The following RNF32 variants were observed in gnomAD, a reference collection of about 807,000 sequenced individuals.
RNF32 encodes the protein ring finger protein 32.
RNF32 carries 36 observed loss-of-function variants against 41.0 expected under a neutral mutation model. The ratio of observed to expected loss-of-function variants is 0.88; its 90% CI spans 0.67 to 1.16. The LOEUF (loss-of-function observed/expected upper bound fraction) is 1.16. Ranked by LOEUF, RNF32 falls within the 50% of genes most tolerant of loss-of-function variation. RNF32 has a pLI of 0.00. For synonymous variants in RNF32, 154 were observed against 160.9 expected (o/e 0.96, Z 0.32); for missense variants, 413 against 436.7 (o/e 0.95, Z 0.48).
intron 7 of RNF32, among the ~76,000 whole-genome samples, chr7:156,674,238 C>T (rs1803287775): frequency 6.6e-6 from 1 of 152,202 alleles, no homozygotes; most frequent in Non-Finnish European, 1.5e-5. Flanking sequence ...GAACTGTCTC[C>T]CTCTGCCCTT....
intron 4 of RNF32, among the ~76,000 whole-genome samples, chr7:156,655,831 T>A (rs1175518053): frequency 6.6e-6 from 1 of 152,194 alleles, no homozygotes; most frequent in African/African-American, 2.4e-5. Context: ...CCAGAGGGTG[T>A]CTTTCTGGCT....
At chr7:156,659,051 C>T (rs1800191804) in intron 7 of RNF32, 1 of 1,404,232 alleles carries the variant, frequency 7.1e-7, no homozygotes, top group Non-Finnish European at 9.2e-7. Context: ...TCCATGTCTA[C>T]CCTTCCTCTT....
At chr7:156,662,916 C>T (rs1453297030) in intron 7 of RNF32, among the ~76,000 whole-genome samples, 1 of 149,314 alleles carries the variant, frequency 6.7e-6, no homozygotes, top group African/African-American at 2.5e-5. Flanking sequence ...GGCGCGATCT[C>T]GGCACACTGC....
At chr7:156,671,897 G>GT (rs1263102869) in intron 7 of RNF32, among the ~76,000 whole-genome samples, 1 of 152,048 alleles carries the variant, frequency 6.6e-6, no homozygotes, top group Admixed American at 6.5e-5. Context: ...TCTAAATAAC[G>GT]TATTAATCGA....
At chr7:156,651,018 A>C (rs1798642783) in intron 3 of RNF32, among the ~76,000 whole-genome samples, 2 of 152,044 alleles carry the variant, frequency 1.3e-5, no homozygotes, top group Admixed American at 1.3e-4. Context: ...CCTGCACACC[A>C]TTCTCCATAG....
At chr7:156,660,042 C>G (rs1031715959) in intron 7 of RNF32, 1 of 985,598 alleles carries the variant, frequency 1.0e-6, no homozygotes, top group African/African-American at 1.7e-5. Context: ...GCCATCCCAC[C>G]TCCCCACAAA....
chr7:156,660,887 A>G (rs895698568), intron 7 of RNF32, among the ~76,000 whole-genome samples: 1 of 152,226 alleles, frequency 6.6e-6, no homozygotes. Flanking sequence ...CAGTCAGTAC[A>G]TGGAAGTTAT....
chr7:156,658,369 G>A (rs1022229809), intron 6 of RNF32, 93 bp from the exon 7 acceptor site: 13 of 1,524,818 alleles, frequency 8.5e-6, no homozygotes, highest in African/African-American at 2.8e-5. Flanking sequence ...TTTCCCCAGG[G>A]CCTTGTACAG....
chr7:156,648,933 G>A (rs933629518), intron 3 of RNF32, among the ~76,000 whole-genome samples: 4 of 151,924 alleles, frequency 2.6e-5, no homozygotes, highest in African/African-American at 9.7e-5. Context: ...TTCTGAGAGT[G>A]CAAAGATTTT....
chr7:156,647,005 C>T (rs1798041419), intron 3 of RNF32, among the ~76,000 whole-genome samples: 1 of 152,090 alleles, frequency 6.6e-6, no homozygotes, highest in African/African-American at 2.4e-5. Context: ...GTGTGTGCCA[C>T]CACACCCAGC....
At chr7:156,657,847 A>C (rs1333672523) in intron 5 of RNF32, among the ~76,000 whole-genome samples, 1 of 152,230 alleles carries the variant, frequency 6.6e-6, no homozygotes, top group Non-Finnish European at 1.5e-5. Context: ...ATCGATCTGC[A>C]TGTGGCCCCA....
chr7:156,643,801 C>T lies in RNF32; in HGVS notation c.-77C>T, dbSNP rs1797666521. 7.5e-7 allele frequency: 1 copy of T among 1,341,816 alleles called. No homozygotes were observed. The highest frequency in any genetic ancestry group is 1.2e-5 in the South Asian group (1 of 83,708). 83.1% of individuals were successfully genotyped at this position (1,341,816 alleles called of 1,614,324 possible). A position where few individuals can be genotyped will look rare whatever the true frequency, so the allele number is the denominator to read the frequency against. On this transcript the variant is annotated splice_region_variant and 5_prime_UTR_variant, in exon 2 of 9. Coordinates refer to ENST00000317955, the MANE Select transcript of RNF32 (RefSeq NM_030936.4). The stretch of plus-strand genomic sequence containing the variant: ...CTTTCTGTTGACCACGTCTTTGCAG[C>T]AGAAGAATAGAAGGAAGGTGATAGG...
chr7:156,675,859 T>G lies in RNF32; in HGVS notation c.848T>G (p.Val283Gly). The change falls in exon 8 of 9, where the codon GTG (valine) becomes GGG (glycine). Residue 283 changes from valine (V) to glycine (G), a missense_variant. Coordinates refer to ENST00000317955, the MANE Select transcript of RNF32 (RefSeq NM_030936.4). The part of the protein sequence containing the change: ...ITEEEWEKIQ[V>G]QALRRETHEC... ...GAAGAGGAATGGGAGAAAATCCAAGTGCAGGTAGGTTTGGCTGGCAGCCTG... is the reference window on the plus strand; with the variant it reads ...GAAGAGGAATGGGAGAAAATCCAAGGGCAGGTAGGTTTGGCTGGCAGCCTG... The G allele has an allele frequency of 6.2e-7, 1 of 1,613,072 alleles. No homozygotes were observed. The highest frequency in any genetic ancestry group is 8.5e-7 in the Non-Finnish European group (1 of 1,179,390).
chr7:156,657,468 A>T (rs905222735), intron 4 of RNF32, 73 bp from the exon 5 acceptor site: 1 of 1,422,232 alleles, frequency 7.0e-7, no homozygotes, highest in Non-Finnish European at 9.9e-7. Context: ...CTAAGCATTC[A>T]GGATTTTAAC....
At chr7:156,668,339 C>T (rs1025650179) in intron 7 of RNF32, among the ~76,000 whole-genome samples, 4 of 152,184 alleles carry the variant, frequency 2.6e-5, no homozygotes, top group African/African-American at 7.2e-5. Flanking sequence ...AACAGTGATT[C>T]ACTGAACTGA....
Position 156,657,374 on chromosome 7 carries a change from T to C in RNF32, c.418-167T>C, listed in dbSNP as rs574976819. ...AATTTTTGTTATTTAGAGTATATAC[T>C]TGTGCTGTGCTAAACAAACAATAAA... On this transcript the variant is annotated intron_variant, in intron 4 of 8. Transcript: ENST00000317955. The C allele has an allele frequency of 2.8e-4, 183 of 657,644 alleles. 3 individuals carry two copies. The South Asian group carries it at 3.3e-3, about 12-fold the overall frequency. The allele number at this position is 657,644 out of a possible 1,614,324, so 40.7% of individuals were successfully genotyped here. A position where few individuals can be genotyped will look rare whatever the true frequency, so the allele number is the denominator to read the frequency against.
chr7:156,666,270 C>T (rs2131582410), intron 7 of RNF32, among the ~76,000 whole-genome samples: 1 of 152,298 alleles, frequency 6.6e-6, no homozygotes, highest in South Asian at 2.1e-4. Context: ...TTTTGCTTGT[C>T]GAACTTTGTT....
intron 6 of RNF32, 52 bp from the exon 7 acceptor site, chr7:156,658,410 G>T (rs2131504619): frequency 1.3e-6 from 2 of 1,527,462 alleles, no homozygotes; most frequent in Non-Finnish European, 1.8e-6. Flanking sequence ...CTGAAGTATT[G>T]GTTGACATAG....
At chr7:156,648,284 G>C (rs577095794) in intron 3 of RNF32, among the ~76,000 whole-genome samples, 1 of 152,276 alleles carries the variant, frequency 6.6e-6, no homozygotes, top group East Asian at 1.9e-4. Flanking sequence ...AGGTGGAGGG[G>C]ACCTGTTTCC....
Sources: gnomAD v4.1 joint callset for allele counts (sites outside exome capture counted in the v4.1 genomes callset) on GRCh38, gnomAD v4.1.1 for gene constraint, MANE v1.5 for transcripts, NCBI Gene and HGNC (gene_info 2026-07-23, HGNC 2026-07-21) for gene names.